LSS: variants seen among roughly 807,000 people sequenced by gnomAD.
LSS encodes lanosterol synthase.
A neutral mutation model predicts 110.3 loss-of-function variants in LSS; 90 were observed. The ratio of observed to expected loss-of-function variants is 0.82; its 90% CI spans 0.69 to 0.97. The LOEUF (loss-of-function observed/expected upper bound fraction) is 0.97, where lower values mean the gene tolerates loss of function less well. Ranked by LOEUF, LSS falls within the 50% of genes least tolerant of loss-of-function variation. LSS has a pLI of 0.00. For synonymous variants in LSS, 433 were observed against 400.0 expected, an observed-to-expected ratio of 1.08 and a Z score of -0.98; for missense variants, 927 against 990.0, an observed-to-expected ratio of 0.94 and a Z score of 0.85.
intron 13 of LSS, 29 bp from the exon 14 acceptor site, chr21:46,208,330 GCAGAGAA>G: frequency 6.5e-7 from 1 of 1,546,076 alleles, no homozygotes; most frequent in East Asian, 2.4e-5. Context: ...AAATGTGGAA[GCAGAGAA>G]CACGTCACCA....
At chr21:46,215,836 G>A (rs1369798518) in intron 7 of LSS, 43 bp from the exon 8 acceptor site, 1 of 1,364,526 alleles carries the variant, frequency 7.3e-7, no homozygotes, top group Non-Finnish European at 1.0e-6. Flanking sequence ...GGGAGCACCT[G>A]GTAGGCCTGG....
intron 14 of LSS, among the ~76,000 whole-genome samples, 159 bp from the exon 15 acceptor site, chr21:46,207,736 T>C (rs1417044001): frequency 6.6e-6 from 1 of 152,084 alleles, no homozygotes; most frequent in African/African-American, 2.4e-5. Context: ...CCAAGCTGGG[T>C]ACATCCAGAC....
chr21:46,211,571 G>C (rs865828524), intron 11 of LSS, among the ~76,000 whole-genome samples: 2 of 152,216 alleles, frequency 1.3e-5, no homozygotes, highest in African/African-American at 4.8e-5. Context: ...CCAAACCCTA[G>C]TGAGACAGAG....
At position 46,189,806 on chromosome 21, in the gene LSS, G is replaced by A. The variant is rs1453006427; in HGVS notation, c.*1298C>T. The A allele has an allele frequency of 9.1e-6, 4 of 441,682 alleles. No individual in the cohort carries two copies. The highest frequency in any genetic ancestry group is 1.8e-5 in the Non-Finnish European group (4 of 218,018). 27.4% of individuals were successfully genotyped at this position (441,682 alleles called of 1,614,324 possible). A position where few individuals can be genotyped will look rare whatever the true frequency, so the allele number is the denominator to read the frequency against. On this transcript the variant is annotated 3_prime_UTR_variant, in exon 22 of 22. Transcript: ENST00000397728. ...CCCTGGGCAAGGCAGCAGGGGTAACGAAGCTCTCAGTGACTCCTCCCAGTA... is the reference window on the plus strand; with the variant it reads ...CCCTGGGCAAGGCAGCAGGGGTAACAAAGCTCTCAGTGACTCCTCCCAGTA...
chr21:46,195,643 C>A, intron 19 of LSS, 33 bp downstream of exon 19: 2 of 1,566,070 alleles, frequency 1.3e-6, no homozygotes, highest in Non-Finnish European at 1.8e-6. Flanking sequence ...GGGTTGAGAA[C>A]CCCCACCCAC....
chr21:46,222,696 G>T lies in LSS; in HGVS notation c.362C>A (p.Ala121Asp). 1.2e-6 allele frequency: 2 copies of T among 1,613,922 alleles called. No homozygotes were observed. Among genetic ancestry groups the T allele is most frequent in the South Asian group, 2.2e-5 (2 of 91,088 alleles). The stretch of plus-strand genomic sequence containing the variant: ...CCGCACAATCTCTTCTCTGTATCCG[G>T]CTGGCAGAGGGATGCGTGCCACGTG... Reference protein sequence around the residue: ...TCHVARIPLPAGYREEIVRYL... With the variant: ...TCHVARIPLPDGYREEIVRYL... Residue 121 changes from alanine (A) to aspartate (D), a missense_variant, in exon 4 of 22, where the codon GCC (alanine) becomes GAC (aspartate). Physicochemically the swap from Ala to Asp is moderately radical, Grantham distance 126. Coordinates refer to ENST00000397728, the MANE Select transcript of LSS (RefSeq NM_002340.6).
At chr21:46,200,211 G>A (rs1460329622) in intron 17 of LSS, among the ~76,000 whole-genome samples, 2 of 152,076 alleles carry the variant, frequency 1.3e-5, no homozygotes, top group African/African-American at 4.8e-5. Context: ...TAAATAAACA[G>A]AGGCAAAGGA....
chr21:46,196,952 GT>G (rs1240248773), intron 17 of LSS, among the ~76,000 whole-genome samples: 1 of 152,258 alleles, frequency 6.6e-6, no homozygotes, highest in Non-Finnish European at 1.5e-5. Flanking sequence ...AGGACCCTGT[GT>G]GCTCAGAGGC....
chr21:46,199,742 G>A (rs2079955645), intron 17 of LSS, among the ~76,000 whole-genome samples: 1 of 152,212 alleles, frequency 6.6e-6, no homozygotes, highest in Non-Finnish European at 1.5e-5. Flanking sequence ...AAATAGGTCA[G>A]TCTGAAAAGG....
At chr21:46,193,243 C>T (rs1280518388) in intron 20 of LSS, 1 of 374,074 alleles carries the variant, frequency 2.7e-6, no homozygotes, top group Non-Finnish European at 5.2e-6. Flanking sequence ...GGTGCCTGTG[C>T]ATGCGTATGT....
rs1213042136 is a variant in LSS, at chr21:46,188,704, T to C, written c.*2400A>G. 1 of 471,042 alleles carries C rather than the reference T, an allele frequency of 2.1e-6. No homozygotes were observed. The highest frequency in any genetic ancestry group is 2.3e-5 in the Admixed American group (1 of 42,572). The allele number at this position is 471,042 out of a possible 1,614,324, so 29.2% of individuals were successfully genotyped here. A position where few individuals can be genotyped will look rare whatever the true frequency, so the allele number is the denominator to read the frequency against. On this transcript the variant is annotated 3_prime_UTR_variant, in exon 22 of 22. Transcript: ENST00000397728. ...AATACACTCCCTCTAAACAATGGAT[T>C]GAACACAGATGTGATTTCTAAAGAA...
chr21:46,222,047 TG>T (rs2080286033), intron 4 of LSS, 72 bp from the exon 5 acceptor site: 2 of 1,560,112 alleles, frequency 1.3e-6, no homozygotes, highest in Non-Finnish European at 8.8e-7. Context: ...AAACTTTCTG[TG>T]GAGTTTCCTC....
intron 4 of LSS, 60 bp from the exon 5 acceptor site, chr21:46,222,035 C>G: frequency 6.3e-7 from 1 of 1,589,456 alleles, no homozygotes. Flanking sequence ...AGAAATAAAG[C>G]AAAACTTTCT....
rs1161427961 is a variant in LSS, at chr21:46,209,249, A to T, written c.1266+305T>A. Among the ~76,000 whole-genome samples the T allele has an allele frequency of 6.6e-6, 1 of 152,080 alleles. No homozygotes were observed. The highest frequency in any genetic ancestry group is 2.4e-5 in the African/African-American group (1 of 41,404). On this transcript the variant is annotated intron_variant, in intron 13 of 21. Transcript: ENST00000397728. The surrounding 1 kb of genome is among the most constrained non-coding windows in gnomAD (Gnocchi z 4.4). ...AGGTGCCGTGTAGGCTGTGCAGCTC[A>T]GGGTACACAGCCCCTGCCCGTGCCT...
chr21:46,215,067 G>A (rs555112406), intron 9 of LSS, 113 bp downstream of exon 9: 60 of 836,458 alleles, frequency 7.2e-5, no homozygotes, highest in African/African-American at 7.2e-4. Context: ...CCAAATGGAG[G>A]TACACCAGGC....
At chr21:46,192,740 G>A (rs763782626) in intron 20 of LSS, 16 of 454,110 alleles carry the variant, frequency 3.5e-5, no homozygotes, top group South Asian at 7.8e-5. Context: ...GGGATACTGC[G>A]GGTGCATCTG....
rs1387214580 is a variant in LSS, at chr21:46,207,561, C to T, written c.1334G>A (p.Ser445Asn). ...RQMRKGGFSF[S>N]TLDCGWIVSD... ...AACGATCCAGCCGCAGTCCAGCGTA[C>T]TGAAGGAGAAGCCACCCTGCAGAGC... Residue 445 changes from serine to asparagine, a missense_variant, in exon 15 of 22, where the codon AGT becomes AAT. Transcript: ENST00000397728. The T allele has an allele frequency of 1.7e-5, 27 of 1,608,570 alleles. No individual in the cohort carries two copies. Among genetic ancestry groups the T allele is most frequent in the Non-Finnish European group, 2.3e-5 (27 of 1,178,084 alleles).
intron 19 of LSS, 103 bp downstream of exon 19, chr21:46,195,573 A>C: frequency 9.0e-7 from 1 of 1,111,416 alleles, no homozygotes. Context: ...AAAACAAACA[A>C]ACAAACAAAC....
chr21:46,219,691 G>A, intron 5 of LSS, 119 bp from the exon 6 acceptor site: 1 of 566,368 alleles, frequency 1.8e-6, no homozygotes, highest in Non-Finnish European at 3.0e-6. Flanking sequence ...TGAGGCAAGG[G>A]CAGCCTCATG....
Sources: allele counts gnomAD v4.1 joint callset (sites outside exome capture counted in the v4.1 genomes callset), GRCh38; gene constraint gnomAD v4.1.1; non-coding constraint Gnocchi (gnomAD v3.1); transcripts MANE v1.5; gene names NCBI Gene and HGNC (gene_info 2026-07-23, HGNC 2026-07-21).